The following PLPP1 variants were observed in gnomAD, a reference collection of about 807,000 sequenced individuals.
PLPP1 encodes the protein phospholipid phosphatase 1.
Under a neutral mutation model 31.2 loss-of-function variants are expected in PLPP1, and 24 were observed. That is an observed-to-expected ratio of 0.77 (90% CI 0.56 to 1.08). The LOEUF is 1.08. PLPP1 is among the 50% of genes least tolerant of loss of function. The pLI is 0.00. For synonymous variants in PLPP1, 146 were observed against 126.3 expected (o/e 1.16, Z -1.05); for missense variants, 319 against 342.7 (o/e 0.93, Z 0.55).
At chr5:55,428,583 TTGACA>T (rs1297811576) in intron 4 of PLPP1, among the ~76,000 whole-genome samples, 2 of 152,190 alleles carry the variant, frequency 1.3e-5, no homozygotes, top group Non-Finnish European at 2.9e-5. Flanking sequence ...AAGCAAACAC[TTGACA>T]TGACTTCCTT....
intron 1 of PLPP1, among the ~76,000 whole-genome samples, chr5:55,490,145 T>A (rs1752856439): frequency 8.5e-6 from 1 of 117,716 alleles, no homozygotes; most frequent in South Asian, 3.0e-4. Flanking sequence ...TTTTCTTTTC[T>A]TTTTTTTTTT....
chr5:55,441,623 AC>A (rs1360688903), intron 4 of PLPP1, among the ~76,000 whole-genome samples: 5 of 152,222 alleles, frequency 3.3e-5, no homozygotes, highest in African/African-American at 7.2e-5. Flanking sequence ...CAGATTAGTT[AC>A]CTGCTGTGAT....
intron 3 of PLPP1, among the ~76,000 whole-genome samples, chr5:55,461,612 G>A (rs1428684): frequency 0.87 from 131,469 of 151,040 alleles, 57,457 homozygotes; most frequent in South Asian, 0.92. Flanking sequence ...AAAAAACCAT[G>A]CACAGTTGAC....
At chr5:55,526,994 G>A (rs1249312075) in intron 1 of PLPP1, among the ~76,000 whole-genome samples, 2 of 148,570 alleles carry the variant, frequency 1.3e-5, no homozygotes, top group South Asian at 2.1e-4. Flanking sequence ...GATAGGCACC[G>A]TGTCCTATTT....
intron 1 of PLPP1, among the ~76,000 whole-genome samples, chr5:55,512,507 AAAAGAAAAGAAAGAAAGAAAGAAAGAAAG>A (rs1283018995): frequency 5.9e-4 from 8 of 13,638 alleles, no homozygotes; most frequent in East Asian, 3.4e-3. Flanking sequence ...AAAAGAAAAG[AAAAGAAAAGAAAGAAAGAAAGAAAGAAAG>A]AAAGAAAGAA....
Position 55,534,621 on chromosome 5 carries a change from G to A in PLPP1, c.9C>T (p.Asp3=), listed in dbSNP as rs1316800447. Residue 3 remains aspartate, a synonymous_variant, in exon 1 of 6, where the codon GAC becomes GAT. Coordinates refer to ENST00000307259, the MANE Select transcript of PLPP1 (RefSeq NM_003711.4). ...GGGCCACGTACGGCAGCCGCGTCTT[G>A]TCAAACATGGTCTCTGCCCGGGCTG... is the stretch of plus-strand genomic sequence containing the variant. MF[D]KTRLPYVALD... 6 of 1,557,046 alleles carry A rather than the reference G, an allele frequency of 3.9e-6. No homozygotes were observed. The Admixed American group carries it at 5.6e-5, about 15-fold the overall frequency.
intron 4 of PLPP1, among the ~76,000 whole-genome samples, chr5:55,427,631 C>G (rs1751238770): frequency 1.3e-5 from 2 of 152,296 alleles, no homozygotes; most frequent in South Asian, 4.1e-4. Context: ...TATTTCCATT[C>G]TAAACAACCC....
At chr5:55,480,031 C>T (rs957124785) in intron 1 of PLPP1, among the ~76,000 whole-genome samples, 1 of 152,138 alleles carries the variant, frequency 6.6e-6, no homozygotes, top group Non-Finnish European at 1.5e-5. Flanking sequence ...CTTCACCAGA[C>T]ACAGTGTACA....
At chr5:55,502,449 T>TG (rs1753167837) in intron 1 of PLPP1, among the ~76,000 whole-genome samples, 1 of 150,510 alleles carries the variant, frequency 6.6e-6, no homozygotes, top group Non-Finnish European at 1.5e-5. Flanking sequence ...ATCGTGCCAC[T>TG]GCACTCCAGC....
intron 3 of PLPP1, among the ~76,000 whole-genome samples, chr5:55,447,877 A>T (rs1309371801): frequency 6.6e-6 from 1 of 152,246 alleles, no homozygotes. Context: ...TTTTAAGTGA[A>T]TACCAATTTG....
At chr5:55,480,500 C>A (rs957092107) in intron 1 of PLPP1, among the ~76,000 whole-genome samples, 8 of 151,474 alleles carry the variant, frequency 5.3e-5, no homozygotes, top group African/African-American at 1.9e-4. Context: ...TCTGTCTCTA[C>A]ACAAATTTGC....
At chr5:55,425,816 A>G (rs749386684) in intron 5 of PLPP1, 47 bp downstream of exon 5, 1 of 1,446,608 alleles carries the variant, frequency 6.9e-7, no homozygotes, top group South Asian at 1.5e-5. Context: ...TTACTTATAT[A>G]AATGTTTAGC....
At chr5:55,496,500 G>A (rs1037989405) in intron 1 of PLPP1, among the ~76,000 whole-genome samples, 10 of 152,062 alleles carry the variant, frequency 6.6e-5, no homozygotes, top group African/African-American at 2.2e-4. Context: ...CAGGTCTATG[G>A]GGCAATATTC....
At chr5:55,532,638 G>A (rs1342192313) in intron 1 of PLPP1, among the ~76,000 whole-genome samples, 2 of 151,944 alleles carry the variant, frequency 1.3e-5, no homozygotes, top group Non-Finnish European at 1.5e-5. Context: ...AATAAGTCCC[G>A]ACATCTGAAA....
intron 4 of PLPP1, among the ~76,000 whole-genome samples, chr5:55,426,364 A>G (rs558922493): frequency 6.6e-6 from 1 of 152,262 alleles, no homozygotes; most frequent in Admixed American, 6.5e-5. Context: ...TTGGGTTATA[A>G]TTCTCATAGT....
intron 1 of PLPP1, among the ~76,000 whole-genome samples, chr5:55,523,892 C>A (rs1753726169): frequency 6.6e-6 from 1 of 152,156 alleles, no homozygotes; most frequent in Admixed American, 6.6e-5. Flanking sequence ...AGACTGCTAT[C>A]CCCAAAAGTC....
intron 1 of PLPP1, among the ~76,000 whole-genome samples, chr5:55,492,907 C>A (rs1752925103): frequency 6.6e-6 from 1 of 152,100 alleles, no homozygotes; most frequent in African/African-American, 2.4e-5. Context: ...TATACGGCCT[C>A]CCATGGAGAC....
At chr5:55,426,942 C>A (rs894316428) in intron 4 of PLPP1, among the ~76,000 whole-genome samples, 1 of 151,954 alleles carries the variant, frequency 6.6e-6, no homozygotes, top group African/African-American at 2.4e-5. Context: ...GTACTTGTAT[C>A]CCCTTTAAGT....
At chr5:55,529,251 G>GTA (rs903581290) in intron 1 of PLPP1, among the ~76,000 whole-genome samples, 180 of 114,376 alleles carry the variant, frequency 1.6e-3, no homozygotes, top group African/African-American at 5.6e-3. Context: ...ACACATACGT[G>GTA]TATATATACA....
Sources: gnomAD v4.1 joint callset for allele counts (sites outside exome capture counted in the v4.1 genomes callset) on GRCh38, gnomAD v4.1.1 for gene constraint, MANE v1.5 for transcripts, NCBI Gene and HGNC (gene_info 2026-07-23, HGNC 2026-07-21) for gene names.